STAT2: variants seen among roughly 807,000 people sequenced by gnomAD.
STAT2 encodes signal transducer and activator of transcription 2.
STAT2 carries 51 observed loss-of-function variants against 122.3 expected under a neutral mutation model. The ratio of observed to expected loss-of-function variants is 0.42; its 90% confidence interval spans 0.33 to 0.53. The LOEUF (loss-of-function observed/expected upper bound fraction) is 0.53, where lower values mean the gene tolerates loss of function less well. STAT2 is among the 20% of genes least tolerant of loss of function. The pLI is 0.10. For synonymous variants in STAT2, 351 were observed against 394.9 expected, an observed-to-expected ratio of 0.89 and a Z score of 1.32; for missense variants, 736 against 1,010.3, an observed-to-expected ratio of 0.73 and a Z score of 3.68.
intron 6 of STAT2, 24 bp downstream of exon 6, chr12:56,355,252 C>T: frequency 2.5e-6 from 4 of 1,614,022 alleles, no homozygotes; most frequent in Non-Finnish European, 3.4e-6. Flanking sequence ...TTATCTTTCT[C>T]CAGCCCCTCA....
chr12:56,351,337 A>G lies in STAT2; in HGVS notation c.896T>C (p.Leu299Pro). Residue 299 changes from leucine (L) to proline (P), a missense_variant, in exon 9 of 24, where the codon CTA becomes CCA. Leu to Pro is a moderately conservative substitution (Grantham distance 98, BLOSUM62 -3). Coordinates refer to ENST00000314128, the MANE Select transcript of STAT2 (RefSeq NM_005419.4). ...QDDPLTKGVD[L>P]RNAQVTELLQ... ...CAACTCTGTGACCTGGGCGTTGCGT[A>G]GGTCCACCCCTTTGGTCAGAGGGTC... 1 of 1,614,156 alleles carries G rather than the reference A, an allele frequency of 6.2e-7. No individual in the cohort carries two copies. Among genetic ancestry groups the G allele is most frequent in the Non-Finnish European group, 8.5e-7 (1 of 1,180,032 alleles).
chr12:56,355,155 T>C, intron 6 of STAT2, 121 bp downstream of exon 6: 9 of 1,168,828 alleles, frequency 7.7e-6, no homozygotes, highest in Non-Finnish European at 1.1e-5. Context: ...GCAGCAGGAC[T>C]GTAGTCAGTG....
At chr12:56,351,504 T>C in intron 8 of STAT2, 54 bp from the exon 9 acceptor site, 1 of 1,574,332 alleles carries the variant, frequency 6.4e-7, no homozygotes, top group South Asian at 1.2e-5. Flanking sequence ...GATTCCCCCA[T>C]CCAGGTTCCA....
chr12:56,343,266 A>T lies in STAT2; in HGVS notation c.*123T>A. Reference sequence around the variant, plus strand: ...ACCCCAATGGAGTCACACAGGCCTGAGTTTGAACAGTTAACACAGCTTGGA... The same window carrying T: ...ACCCCAATGGAGTCACACAGGCCTGTGTTTGAACAGTTAACACAGCTTGGA... On this transcript the variant is annotated 3_prime_UTR_variant, in exon 24 of 24. Coordinates refer to ENST00000314128, the MANE Select transcript of STAT2 (RefSeq NM_005419.4). 1 of 1,388,004 alleles carries T rather than the reference A, an allele frequency of 7.2e-7. No homozygotes were observed. Among genetic ancestry groups the T allele is most frequent in the Non-Finnish European group, 9.8e-7 (1 of 1,022,254 alleles). 86.0% of individuals were successfully genotyped at this position (1,388,004 alleles called of 1,614,324 possible). A position where few individuals can be genotyped will look rare whatever the true frequency, so the allele number is the denominator to read the frequency against.
intron 8 of STAT2, among the ~76,000 whole-genome samples, chr12:56,351,739 C>T (rs910814732): frequency 1.3e-5 from 2 of 152,128 alleles, no homozygotes; most frequent in South Asian, 4.1e-4. Context: ...ATTTAATCCT[C>T]AAAACAACCC....
chr12:56,357,476 G>A (rs1256396827), intron 1 of STAT2, among the ~76,000 whole-genome samples: 1 of 151,578 alleles, frequency 6.6e-6, no homozygotes, highest in Non-Finnish European at 1.5e-5. Flanking sequence ...GAGTAGCTGG[G>A]ACTATAGGCT....
At chr12:56,357,738 G>C (rs1879748460) in intron 1 of STAT2, among the ~76,000 whole-genome samples, 1 of 148,172 alleles carries the variant, frequency 6.7e-6, no homozygotes, top group African/African-American at 2.5e-5. Flanking sequence ...TTGAGACAGG[G>C]TCTCACTTGG....
intron 22 of STAT2, among the ~76,000 whole-genome samples, chr12:56,344,866 G>A (rs1193095981): frequency 6.6e-6 from 1 of 152,170 alleles, no homozygotes; most frequent in Non-Finnish European, 1.5e-5. Flanking sequence ...TTAGCCAGGT[G>A]TGGTGGTTGT....
intron 8 of STAT2, 28 bp from the exon 9 acceptor site, chr12:56,351,478 A>G: frequency 1.6e-5 from 25 of 1,606,238 alleles, no homozygotes; most frequent in Non-Finnish European, 2.1e-5. Flanking sequence ...GGAAGAAGGA[A>G]TCCATGAGTT....
In STAT2 at chr12:56,343,406, T is replaced by C. The variant is rs772907846; in HGVS notation, c.2539A>G (p.Met847Val). 32 of 1,613,856 alleles carry C rather than the reference T, an allele frequency of 2.0e-5. No individual in the cohort carries two copies. The highest frequency in any genetic ancestry group is 5.3e-5 in the African/African-American group (4 of 74,934). Residue 847 changes from methionine (M) to valine (V), a missense_variant, in exon 24 of 24, where the codon ATG becomes GTG. Coordinates refer to ENST00000314128, the MANE Select transcript of STAT2 (RefSeq NM_005419.4). Reference sequence around the variant, plus strand: ...TGTGGTTCCTAGAAGTCAGAAGGCATCAAGGGTCCATCAGTGTAGAAGTGG... The same window carrying C: ...TGTGGTTCCTAGAAGTCAGAAGGCACCAAGGGTCCATCAGTGTAGAAGTGG... Reference protein sequence around the residue: ...PSHFYTDGPLMPSDF With the variant: ...PSHFYTDGPLVPSDF
chr12:56,355,212 C>A, intron 6 of STAT2, 64 bp downstream of exon 6: 1 of 1,583,892 alleles, frequency 6.3e-7, no homozygotes, highest in South Asian at 1.1e-5. Context: ...TTCTCCTGTT[C>A]ACTTCCAGCT....
In STAT2 at chr12:56,342,232, G is replaced by T. The variant is rs1414538503; in HGVS notation, c.*1157C>A. 6.7e-6 allele frequency: 1 copy of T among 148,626 alleles called. No individual in the cohort carries two copies. Among genetic ancestry groups the T allele is most frequent in the Admixed American group, 6.8e-5 (1 of 14,812 alleles). The allele number at this position is 148,626 out of a possible 1,614,324, so 9.2% of individuals were successfully genotyped here. The stretch of plus-strand genomic sequence containing the variant: ...AGTCACTTGAACCCGGAAGGCGGAG[G>T]TTGCAGTGAGCCGAGATCACACCAT... On this transcript the variant is annotated 3_prime_UTR_variant, in exon 24 of 24. Transcript: ENST00000314128.
chr12:56,349,741 A>G, intron 13 of STAT2, 105 bp from the exon 14 acceptor site: 2 of 1,454,496 alleles, frequency 1.4e-6, no homozygotes, highest in Non-Finnish European at 1.9e-6. Context: ...ACTTCCCCCA[A>G]CCCCTGTTCC....
In STAT2 at chr12:56,346,152, G is replaced by A. The variant is rs866010540; in HGVS notation, c.2096C>T (p.Ser699Phe). Residue 699 changes from serine to phenylalanine, a missense_variant, in exon 22 of 24, where the codon TCT becomes TTT. Physicochemically the swap from Ser to Phe is radical, Grantham distance 155. Coordinates refer to ENST00000314128, the MANE Select transcript of STAT2 (RefSeq NM_005419.4). ...TGAAGAGTTCATATCTCACCTATTA[G>A]AGACCACAATGAGCCTGTGTTTCAG... ...KYLKHRLIVV[S>F]NRQVDELQQP... 6.2e-7 allele frequency: 1 copy of A among 1,614,174 alleles called. No individual in the cohort carries two copies. Among genetic ancestry groups the A allele is most frequent in the Non-Finnish European group, 8.5e-7 (1 of 1,180,026 alleles).
chr12:56,356,207 C>A lies in STAT2; in HGVS notation c.210G>T (p.Glu70Asp). 1 of 1,614,042 alleles carries A rather than the reference C, an allele frequency of 6.2e-7. No individual in the cohort carries two copies. Among genetic ancestry groups the A allele is most frequent in the Non-Finnish European group, 8.5e-7 (1 of 1,180,040 alleles). Reference protein sequence around the residue: ...FFHFLDQLNYECGRCSQDPES... With the variant: ...FFHFLDQLNYDCGRCSQDPES... The stretch of plus-strand genomic sequence containing the variant: ...CTGGGTCCTGGCTGCAACGGCCACA[C>A]TCATAGTTCAGCTGATCCAAGAAGT... Residue 70 changes from glutamate to aspartate, a missense_variant, in exon 3 of 24, where the codon GAG becomes GAT. Transcript: ENST00000314128.
chr12:56,350,789 C>A, intron 11 of STAT2, 40 bp downstream of exon 11: 1 of 1,610,318 alleles, frequency 6.2e-7, no homozygotes, highest in Non-Finnish European at 8.5e-7. Flanking sequence ...TCCACCCCAG[C>A]AGCCCGTGTC....
At chr12:56,350,036 G>A in intron 13 of STAT2, 61 bp downstream of exon 13, 1 of 1,465,434 alleles carries the variant, frequency 6.8e-7, no homozygotes, top group South Asian at 1.1e-5. Context: ...GGGACAGAGT[G>A]AGACTCCGTC....
At chr12:56,344,514 A>G (rs1877056489) in intron 22 of STAT2, among the ~76,000 whole-genome samples, 1 of 152,244 alleles carries the variant, frequency 6.6e-6, no homozygotes, top group Admixed American at 6.5e-5. Context: ...TCACAGGACT[A>G]TTTTGTAGAT....
chr12:56,356,432 A>C lies in STAT2; in HGVS notation c.131+9T>G, dbSNP rs1879525855. 6.2e-7 allele frequency: 1 copy of C among 1,612,340 alleles called. No individual in the cohort carries two copies. The highest frequency in any genetic ancestry group is 1.7e-5 in the Admixed American group (1 of 59,764). The stretch of plus-strand genomic sequence containing the variant: ...CTTTTTCATTCCCCCAACTTCCTGA[A>C]GGCCTCACCAGTTCTGGTCTTCAAT... On this transcript the variant is annotated intron_variant, in intron 2 of 23. Transcript: ENST00000314128.
Sources: gnomAD v4.1 joint callset for allele counts (sites outside exome capture counted in the v4.1 genomes callset) on GRCh38, gnomAD v4.1.1 for gene constraint, MANE v1.5 for transcripts, NCBI Gene and HGNC (gene_info 2026-07-23, HGNC 2026-07-21) for gene names.